The following ATP13A4 variants were observed in gnomAD, a reference collection of about 807,000 sequenced individuals.
The protein encoded by ATP13A4 is ATPase 13A4.
A neutral mutation model predicts 142.5 loss-of-function variants in ATP13A4; 114 were observed. That is an observed-to-expected ratio of 0.80 (90% CI 0.69 to 0.93). ATP13A4 has a LOEUF of 0.93. Among genes scored for constraint, ATP13A4 ranks in the 40% least tolerant of loss-of-function variants. The pLI is 0.00. For missense variants in ATP13A4, 1,392 were observed against 1,454.0 expected, an observed-to-expected ratio of 0.96 and a Z score of 0.69; for synonymous variants, 488 against 514.8, an observed-to-expected ratio of 0.95 and a Z score of 0.70.
intron 8 of ATP13A4, among the ~76,000 whole-genome samples, chr3:193,478,629 GT>G (rs1719108878): frequency 6.6e-6 from 1 of 151,664 alleles, no homozygotes; most frequent in Admixed American, 6.6e-5. Context: ...TATTTAAAAA[GT>G]TACCAAGAAA....
At chr3:193,440,461 C>T (rs1716561976) in intron 21 of ATP13A4, 97 bp downstream of exon 21, 1 of 1,586,186 alleles carries the variant, frequency 6.3e-7, no homozygotes, top group Non-Finnish European at 8.6e-7. Flanking sequence ...CGGACCACTG[C>T]CCTTGTCAAA....
In ATP13A4 at chr3:193,474,090, C is replaced by T. The variant is rs149388679; in HGVS notation, c.809-3097G>A. Among the ~76,000 whole-genome samples, 294 of 151,904 alleles carry T rather than the reference C, an allele frequency of 1.9e-3. 1 individual carries two copies. The highest frequency in any genetic ancestry group is 6.1e-3 in the African/African-American group (253 of 41,434). The stretch of plus-strand genomic sequence containing the variant: ...ATCCTAGCACTTTGGGAGGACGAGG[C>T]GGGTGGATCATGAGGTCTGGAGTTT... On this transcript the variant is annotated intron_variant, in intron 8 of 29. Transcript: ENST00000342695.
chr3:193,511,756 A>G (rs1210079919), intron 2 of ATP13A4, among the ~76,000 whole-genome samples: 1 of 152,008 alleles, frequency 6.6e-6, no homozygotes, highest in African/African-American at 2.4e-5. Context: ...AGAAATCAAA[A>G]CGTTTGACTC....
chr3:193,554,379 A>C, intron 1 of ATP13A4: 1 of 348,872 alleles, frequency 2.9e-6, no homozygotes, highest in Non-Finnish European at 5.5e-6. Context: ...TGCTCCTCAC[A>C]TTAGGGATTT....
At position 193,490,375 on chromosome 3, in the gene ATP13A4, A is replaced by G. The variant is rs562476213; in HGVS notation, c.604-511T>C. 1.9e-3 allele frequency among the ~76,000 whole-genome samples: 284 copies of G among 152,288 alleles called. 1 individual carries two copies. Among genetic ancestry groups the G allele is most frequent in the African/African-American group, 6.4e-3 (268 of 41,562 alleles). On this transcript the variant is annotated intron_variant, in intron 6 of 29. Coordinates refer to ENST00000342695, the MANE Select transcript of ATP13A4 (RefSeq NM_032279.4). ...TAGTTCAGGTTTATAAAGTTAAAAT[A>G]CTTTCTAGTCTCTTCTTCTCTATGA...
intron 9 of ATP13A4, among the ~76,000 whole-genome samples, chr3:193,469,553 G>T (rs923214506): frequency 6.6e-6 from 1 of 152,172 alleles, no homozygotes; most frequent in African/African-American, 2.4e-5. Context: ...GCTTGAACCC[G>T]GGAGGCAGAG....
At chr3:193,405,266 C>T (rs1714438146) in intron 29 of ATP13A4, among the ~76,000 whole-genome samples, 1 of 152,208 alleles carries the variant, frequency 6.6e-6, no homozygotes, top group Non-Finnish European at 1.5e-5. Context: ...CCCATTCCCT[C>T]CCAACTCTTC....
At chr3:193,470,337 T>C (rs1718545381) in intron 9 of ATP13A4, among the ~76,000 whole-genome samples, 1 of 152,092 alleles carries the variant, frequency 6.6e-6, no homozygotes, top group Admixed American at 6.6e-5. Context: ...CTACAGTTAG[T>C]CCATAACACC....
chr3:193,551,737 G>A (rs960038506), intron 1 of ATP13A4, among the ~76,000 whole-genome samples: 7 of 152,150 alleles, frequency 4.6e-5, no homozygotes, highest in African/African-American at 9.7e-5. Flanking sequence ...CAGGCCTCCC[G>A]TCCCGTCCCA....
intron 25 of ATP13A4, among the ~76,000 whole-genome samples, chr3:193,423,690 G>C (rs560237999): frequency 6.7e-6 from 1 of 149,720 alleles, no homozygotes; most frequent in Non-Finnish European, 1.5e-5. Context: ...ATGCAATAAA[G>C]GTCATGTATG....
intron 1 of ATP13A4, among the ~76,000 whole-genome samples, chr3:193,535,853 A>G (rs1401403825): frequency 6.6e-6 from 1 of 152,122 alleles, no homozygotes; most frequent in East Asian, 1.9e-4. Flanking sequence ...AAATATGAAC[A>G]ACTCTACACA....
intron 1 of ATP13A4, among the ~76,000 whole-genome samples, chr3:193,532,251 A>G (rs1334658308): frequency 6.6e-6 from 1 of 151,894 alleles, no homozygotes; most frequent in East Asian, 1.9e-4. Flanking sequence ...TAATGTAAAA[A>G]TTAAATGTTT....
upstream of ATP13A4, among the ~76,000 whole-genome samples, chr3:193,556,927 T>C (rs926654812): frequency 6.6e-6 from 1 of 152,228 alleles, no homozygotes; most frequent in Non-Finnish European, 1.5e-5. Flanking sequence ...AGTGTTAGTA[T>C]GTGACGTGGT....
At chr3:193,529,865 A>G (rs2108701192) in intron 1 of ATP13A4, among the ~76,000 whole-genome samples, 1 of 152,344 alleles carries the variant, frequency 6.6e-6, no homozygotes, top group East Asian at 1.9e-4. Context: ...TCCTTAGCAC[A>G]GTGCTTTGAA....
intron 5 of ATP13A4, 137 bp downstream of exon 5, chr3:193,492,780 T>C (rs1403427464): frequency 2.8e-6 from 2 of 711,858 alleles, no homozygotes; most frequent in South Asian, 1.8e-5. Context: ...ATGTGAAAGA[T>C]TTAATTTAAT....
intron 25 of ATP13A4, among the ~76,000 whole-genome samples, chr3:193,429,559 T>C (rs548684217): frequency 1.8e-4 from 26 of 148,044 alleles, no homozygotes; most frequent in Non-Finnish European, 2.8e-4. Context: ...TTATATGAAA[T>C]ATATTGAATA....
chr3:193,491,424 C>T, intron 5 of ATP13A4, 26 bp from the exon 6 acceptor site: 1 of 1,481,870 alleles, frequency 6.7e-7, no homozygotes, highest in Non-Finnish European at 9.4e-7. Flanking sequence ...ACAGATCACT[C>T]TGTCACAAAT....
chr3:193,580,891 G>A (rs552263612), intron 2 of ATP13A4, among the ~76,000 whole-genome samples: 80 of 152,328 alleles, frequency 5.3e-4, no homozygotes, highest in African/African-American at 1.8e-3. Context: ...AAGAAAAGCA[G>A]TGTTGTGCTG....
At chr3:193,529,440 A>G (rs1348064891) in intron 1 of ATP13A4, among the ~76,000 whole-genome samples, 1 of 151,954 alleles carries the variant, frequency 6.6e-6, no homozygotes, top group Non-Finnish European at 1.5e-5. Context: ...TAACAAGAAC[A>G]TATTTCACAA....
Sources: allele counts gnomAD v4.1 joint callset (sites outside exome capture counted in the v4.1 genomes callset), GRCh38; gene constraint gnomAD v4.1.1; transcripts MANE v1.5; gene names NCBI Gene and HGNC (gene_info 2026-07-23, HGNC 2026-07-21).